Variants in KAZN observed in about 807,000 individuals in gnomAD.
The protein encoded by KAZN is kazrin.
KAZN carries 40 observed loss-of-function variants against 87.4 expected under a neutral mutation model. The observed-to-expected ratio is 0.46, with a 90% CI of 0.36 to 0.60. The LOEUF (loss-of-function observed/expected upper bound fraction) is 0.60. Among genes scored for constraint, KAZN ranks in the 20% least tolerant of loss-of-function variants. The probability of loss-of-function intolerance (pLI) is 0.00; values close to 1 mark genes in which losing one functional copy is unlikely to be tolerated. For synonymous variants in KAZN, 466 were observed against 458.3 expected, an observed-to-expected ratio of 1.02 and a Z score of -0.22; for missense variants, 898 against 1,073.9, an observed-to-expected ratio of 0.84 and a Z score of 2.29.
intron 2 of KAZN, among the ~76,000 whole-genome samples, chr1:14,964,210 T>A (rs1208222048): frequency 1.3e-5 from 2 of 152,174 alleles, no homozygotes; most frequent in Non-Finnish European, 2.9e-5. Context: ...TTCTTTAACC[T>A]CCCTGCCCCA....
intron 1 of KAZN, among the ~76,000 whole-genome samples, chr1:14,810,541 C>T (rs1646373745): frequency 6.6e-6 from 1 of 152,128 alleles, no homozygotes; most frequent in African/African-American, 2.4e-5. Context: ...TAATGAGTGT[C>T]CACTCCGCTC....
chr1:14,417,379 T>C (rs1664881546), intron 2 of KAZN, among the ~76,000 whole-genome samples: 1 of 152,200 alleles, frequency 6.6e-6, no homozygotes, highest in Non-Finnish European at 1.5e-5. Flanking sequence ...TCGCCATTTC[T>C]CTGGCGGCTG....
At chr1:14,736,208 T>C (rs550100148) in intron 1 of KAZN, among the ~76,000 whole-genome samples, 24 of 150,734 alleles carry the variant, frequency 1.6e-4, no homozygotes, top group African/African-American at 5.8e-4. Flanking sequence ...TTTAAAAATA[T>C]AGGTTCCTGG....
At chr1:14,335,112 C>CT (rs200752509) in intron 2 of KAZN, among the ~76,000 whole-genome samples, 2 of 151,358 alleles carry the variant, frequency 1.3e-5, no homozygotes, top group African/African-American at 2.4e-5. Context: ...CGGTGCCCCC[C>CT]CCCCACCACC....
chr1:14,195,638 TAGC>T (rs1313994279), intron 2 of KAZN, among the ~76,000 whole-genome samples: 2 of 147,286 alleles, frequency 1.4e-5, no homozygotes, highest in African/African-American at 5.3e-5. Flanking sequence ...AGAAAATAGT[TAGC>T]AGATAAATTG....
chr1:14,120,360 G>A (rs896091803), intron 1 of KAZN, among the ~76,000 whole-genome samples: 3 of 152,080 alleles, frequency 2.0e-5, no homozygotes, highest in Non-Finnish European at 4.4e-5. Context: ...CCAAGAGGAT[G>A]ATGCTAAACC....
intron 2 of KAZN, among the ~76,000 whole-genome samples, chr1:14,201,520 T>G (rs1646639497): frequency 6.6e-6 from 1 of 152,114 alleles, no homozygotes; most frequent in African/African-American, 2.4e-5. Flanking sequence ...CATTCCCACC[T>G]CAGCCAGTCT....
intron 1 of KAZN, among the ~76,000 whole-genome samples, chr1:14,122,260 T>A (rs1644768120): frequency 6.6e-6 from 1 of 152,180 alleles, no homozygotes; most frequent in African/African-American, 2.4e-5. Context: ...CAGCAGAAAG[T>A]GAGGCATCAG....
chr1:14,071,744 T>G (rs543807883), intron 1 of KAZN, among the ~76,000 whole-genome samples: 1 of 152,312 alleles, frequency 6.6e-6, no homozygotes, highest in African/African-American at 2.4e-5. Context: ...TTAGCACATG[T>G]CAGGCAGCCT....
rs1646707606 is a variant in KAZN at position 14,820,470 on chromosome 1, T to C, written c.227-140214T>C. Among the ~76,000 whole-genome samples the C allele has an allele frequency of 6.6e-6, 1 of 152,198 alleles. No individual in the cohort carries two copies. The highest frequency in any genetic ancestry group is 2.4e-5 in the African/African-American group (1 of 41,448). Reference sequence around the variant, plus strand: ...CACTGCCCCCGTTTGGTGCCACAGTTGGGTTTATTCTCACAGCTGCAAACC... The same window carrying C: ...CACTGCCCCCGTTTGGTGCCACAGTCGGGTTTATTCTCACAGCTGCAAACC... On this transcript the variant is annotated intron_variant, in intron 1 of 14. Coordinates refer to ENST00000376030, the MANE Select transcript of KAZN (RefSeq NM_201628.3). This position sits in a 1 kb window ranked among gnomAD's most constrained non-coding sequence, Gnocchi z 4.1.
intron 1 of KAZN, among the ~76,000 whole-genome samples, chr1:14,835,559 C>G (rs3845592): frequency 0.2 from 30,979 of 151,996 alleles, 4,075 homozygotes; most frequent in African/African-American, 0.37. Context: ...CTCATTGTCA[C>G]GGGAGGAAAC....
intron 1 of KAZN, among the ~76,000 whole-genome samples, chr1:14,032,722 T>TGA (rs1641380389): frequency 6.6e-6 from 1 of 152,214 alleles, no homozygotes. Context: ...AAGGGTGTAT[T>TGA]CTACCTCCTT....
At chr1:14,437,485 G>A (rs1307812879) in intron 2 of KAZN, among the ~76,000 whole-genome samples, 6 of 152,142 alleles carry the variant, frequency 3.9e-5, no homozygotes, top group Non-Finnish European at 8.8e-5. Context: ...CTTTGTTCTC[G>A]CTCTTTCTCA....
intron 1 of KAZN, among the ~76,000 whole-genome samples, chr1:14,927,687 C>G (rs1659317719): frequency 6.6e-6 from 1 of 152,202 alleles, no homozygotes; most frequent in African/African-American, 2.4e-5. Flanking sequence ...CATCTGCACT[C>G]TAACCCTTTT....
intron 1 of KAZN, among the ~76,000 whole-genome samples, chr1:14,667,514 G>T (rs3088195): frequency 0.2 from 30,885 of 152,130 alleles, 3,252 homozygotes; most frequent in South Asian, 0.28. Flanking sequence ...GCATTTGAGG[G>T]TATGAATTAA....
intron 1 of KAZN, among the ~76,000 whole-genome samples, chr1:14,899,998 G>A (rs1362125131): frequency 6.6e-6 from 1 of 152,048 alleles, no homozygotes; most frequent in Non-Finnish European, 1.5e-5. Context: ...TTCCCGTTCC[G>A]GCCCTGTGGC....
intron 2 of KAZN, among the ~76,000 whole-genome samples, chr1:14,485,641 TC>T (rs1468877891): frequency 2.6e-5 from 4 of 152,110 alleles, no homozygotes; most frequent in African/African-American, 9.7e-5. Flanking sequence ...ACACCTGTAA[TC>T]CCAGCACGTC....
chr1:14,406,401 G>A (rs933067510), intron 2 of KAZN, among the ~76,000 whole-genome samples: 1 of 152,190 alleles, frequency 6.6e-6, no homozygotes. Flanking sequence ...CAACCTGGAT[G>A]AGATTGGAGA....
intron 1 of KAZN, among the ~76,000 whole-genome samples, chr1:14,753,420 A>G (rs1169672290): frequency 6.6e-6 from 1 of 151,978 alleles, no homozygotes; most frequent in Non-Finnish European, 1.5e-5. Flanking sequence ...TTTGGTTTCA[A>G]CTGAGAATTT....
Sources: gnomAD v4.1 joint callset for allele counts (sites outside exome capture counted in the v4.1 genomes callset) on GRCh38, gnomAD v4.1.1 for gene constraint, Gnocchi (gnomAD v3.1) non-coding constraint, MANE v1.5 for transcripts, NCBI Gene and HGNC (gene_info 2026-07-23, HGNC 2026-07-21) for gene names.